The following ZNF385D variants were observed in gnomAD, a reference collection of about 807,000 sequenced individuals.
ZNF385D encodes the protein zinc finger protein 385D.
Under a neutral mutation model 35.8 loss-of-function variants are expected in ZNF385D, and 15 were observed. That is an observed-to-expected ratio of 0.42 (90% CI 0.28 to 0.64). ZNF385D has a LOEUF of 0.64. Ranked by LOEUF, ZNF385D falls within the 30% of genes least tolerant of loss-of-function variation. ZNF385D has a pLI of 0.23. For synonymous variants in ZNF385D, 212 were observed against 186.8 expected, an observed-to-expected ratio of 1.13 and a Z score of -1.10; for missense variants, 474 against 494.6, an observed-to-expected ratio of 0.96 and a Z score of 0.39.
At chr3:22,357,597 A>T (rs1490921024) in intron 2 of ZNF385D, among the ~76,000 whole-genome samples, 1 of 151,398 alleles carries the variant, frequency 6.6e-6, no homozygotes, top group African/African-American at 2.4e-5. Flanking sequence ...CTAAAATTCT[A>T]GTAACTTAAA....
At chr3:21,804,889 G>C (rs146261826) in intron 3 of ZNF385D, among the ~76,000 whole-genome samples, 1 of 152,020 alleles carries the variant, frequency 6.6e-6, no homozygotes, top group East Asian at 1.9e-4. Context: ...AACGTTGCTT[G>C]GAAAATCAAT....
intron 2 of ZNF385D, among the ~76,000 whole-genome samples, chr3:22,360,977 T>G (rs1479665522): frequency 6.6e-6 from 1 of 152,060 alleles, no homozygotes; most frequent in Non-Finnish European, 1.5e-5. Flanking sequence ...ACCCAAACCT[T>G]TTGTTATTCT....
chr3:21,729,408 G>T (rs2068898450), intron 1 of ZNF385D, among the ~76,000 whole-genome samples: 2 of 151,972 alleles, frequency 1.3e-5, no homozygotes, highest in African/African-American at 2.4e-5. Context: ...AGTGAAAATG[G>T]ATTATCTTCC....
intron 2 of ZNF385D, among the ~76,000 whole-genome samples, chr3:22,193,452 G>A (rs769434718): frequency 1.8e-4 from 27 of 151,932 alleles, no homozygotes; most frequent in Admixed American, 2.0e-4. Flanking sequence ...TGATATTAAC[G>A]AATATTACAT....
intron 3 of ZNF385D, among the ~76,000 whole-genome samples, chr3:21,522,204 C>A (rs1707951590): frequency 6.6e-6 from 1 of 152,084 alleles, no homozygotes; most frequent in Non-Finnish European, 1.5e-5. Flanking sequence ...TCAGGGCACC[C>A]CTGTGACCAA....
intron 3 of ZNF385D, among the ~76,000 whole-genome samples, chr3:21,866,090 GTTAAT>G (rs1309790808): frequency 2.0e-5 from 3 of 151,748 alleles, no homozygotes; most frequent in Admixed American, 2.0e-4. Flanking sequence ...TATATACACT[GTTAAT>G]TTAACAGGTT....
chr3:21,839,284 A>G lies in ZNF385D; in HGVS notation c.326-174256T>C, dbSNP rs181958742. On this transcript the variant is annotated intron_variant, in intron 3 of 5. Transcript: ENST00000494108. ...TCAACCAACCACATTTTAAAATCTC[A>G]TATTATGAAATTCTCAGGAGTAGCT... 1.3e-3 allele frequency among the ~76,000 whole-genome samples: 201 copies of G among 152,160 alleles called. 2 individuals carry two copies. The highest frequency in any genetic ancestry group is 4.6e-3 in the African/African-American group (190 of 41,538).
In ZNF385D at chr3:21,430,572, C is replaced by G. The variant is rs140781424; in HGVS notation, c.674-4902G>C. On this transcript the variant is annotated intron_variant, in intron 5 of 7. Transcript: ENST00000281523. ...ACAAATGTGAGAACTAATATAGCAG[C>G]AAGCCTTGAAATTCCAGCCTGTGAA... Among the ~76,000 whole-genome samples, 575 of 152,238 alleles carry G rather than the reference C, an allele frequency of 3.8e-3. 3 individuals are homozygous for G. The highest frequency in any genetic ancestry group is 6.6e-3 in the Non-Finnish European group (452 of 68,016).
intron 3 of ZNF385D, among the ~76,000 whole-genome samples, chr3:21,780,243 T>TC (rs2071437582): frequency 6.6e-6 from 1 of 151,968 alleles, no homozygotes; most frequent in Non-Finnish European, 1.5e-5. Flanking sequence ...TCTTTAACAA[T>TC]CCTATGAGAC....
At chr3:22,141,112 A>T (rs954424898) in intron 3 of ZNF385D, among the ~76,000 whole-genome samples, 1 of 152,220 alleles carries the variant, frequency 6.6e-6, no homozygotes, top group Non-Finnish European at 1.5e-5. Flanking sequence ...AAGGCAACAT[A>T]TTTCATTACT....
At chr3:21,896,811 T>C (rs1699162854) in intron 3 of ZNF385D, among the ~76,000 whole-genome samples, 1 of 139,268 alleles carries the variant, frequency 7.2e-6, no homozygotes, top group Non-Finnish European at 1.5e-5. Flanking sequence ...CTCCAATGTG[T>C]TCTTAATACT....
chr3:21,906,982 T>C (rs1219959232), intron 3 of ZNF385D, among the ~76,000 whole-genome samples: 3 of 152,142 alleles, frequency 2.0e-5, no homozygotes, highest in Non-Finnish European at 4.4e-5. Flanking sequence ...GTCAGACTCT[T>C]TGGAATGCCT....
At chr3:21,862,202 T>C (rs1420145108) in intron 3 of ZNF385D, among the ~76,000 whole-genome samples, 1 of 152,020 alleles carries the variant, frequency 6.6e-6, no homozygotes. Flanking sequence ...CCTTAACTCA[T>C]AGTTCCACAT....
intron 3 of ZNF385D, among the ~76,000 whole-genome samples, chr3:21,992,067 G>A (rs1695184118): frequency 6.6e-6 from 1 of 152,144 alleles, no homozygotes; most frequent in African/African-American, 2.4e-5. Context: ...TGTAGTTGCT[G>A]TGAGAATTAA....
chr3:21,920,030 G>C (rs1250828079), intron 3 of ZNF385D, among the ~76,000 whole-genome samples: 1 of 152,280 alleles, frequency 6.6e-6, no homozygotes, highest in Non-Finnish European at 1.5e-5. Flanking sequence ...CAGGGGTTGA[G>C]AAAATATGTT....
intron 3 of ZNF385D, among the ~76,000 whole-genome samples, chr3:21,907,170 T>C (rs1023398332): frequency 6.6e-6 from 1 of 152,272 alleles, no homozygotes; most frequent in African/African-American, 2.4e-5. Flanking sequence ...TTAATCTTAG[T>C]TTTTCTTACA....
At chr3:22,252,383 C>G (rs1043718524) in intron 2 of ZNF385D, among the ~76,000 whole-genome samples, 1 of 151,884 alleles carries the variant, frequency 6.6e-6, no homozygotes, top group African/African-American at 2.4e-5. Context: ...ATAAACCCAA[C>G]AGAAAGATAC....
intron 4 of ZNF385D, among the ~76,000 whole-genome samples, chr3:21,492,628 A>G (rs1258737320): frequency 1.3e-5 from 2 of 151,826 alleles, no homozygotes; most frequent in South Asian, 2.1e-4. Context: ...ACCAAAAACT[A>G]CAAAAATTCG....
chr3:21,848,464 TG>T (rs34372458), intron 3 of ZNF385D, among the ~76,000 whole-genome samples: 5,813 of 151,882 alleles, frequency 0.038, 386 homozygotes, highest in African/African-American at 0.13. Flanking sequence ...AAAATTGAGT[TG>T]GTTTTTTAAA....
Sources: gnomAD v4.1 joint callset for allele counts (sites outside exome capture counted in the v4.1 genomes callset) on GRCh38, gnomAD v4.1.1 for gene constraint, MANE v1.5 for transcripts, NCBI Gene and HGNC (gene_info 2026-07-23, HGNC 2026-07-21) for gene names.